The following CASP9 variants were observed in gnomAD, a reference collection of about 807,000 sequenced individuals.
CASP9 encodes caspase 9, also known as caspase-9.
Under a neutral mutation model 43.5 loss-of-function variants are expected in CASP9, and 29 were observed. The ratio of observed to expected loss-of-function variants is 0.67; its 90% CI spans 0.50 to 0.91. The LOEUF (loss-of-function observed/expected upper bound fraction) is 0.91. Among genes scored for constraint, CASP9 ranks in the 40% least tolerant of loss-of-function variants. The pLI is 0.00. For missense variants in CASP9, 575 were observed against 537.4 expected, an observed-to-expected ratio of 1.07 and a Z score of -0.69; for synonymous variants, 206 against 211.9, an observed-to-expected ratio of 0.97 and a Z score of 0.24.
chr1:15,509,475 A>AG lies in CASP9; in HGVS notation c.419-1569_419-1568insC, dbSNP rs1553142040. Among the ~76,000 whole-genome samples, 1,035 of 151,102 alleles carry AG rather than the reference A, an allele frequency of 6.8e-3. 12 individuals carry two copies. The highest frequency in any genetic ancestry group is 0.023 in the African/African-American group (934 of 40,990). The stretch of plus-strand genomic sequence containing the variant: ...ACTAAAAATACAAAAAAAAAAAAAA[A>AG]AAAAGAAAAATTAGCCAGGCGAGGG... On this transcript the variant is annotated intron_variant, in intron 2 of 8. Coordinates refer to ENST00000333868, the MANE Select transcript of CASP9 (RefSeq NM_001229.5).
chr1:15,524,153 C>A lies in CASP9; in HGVS notation c.48G>T (p.Leu16=). The change falls in exon 1 of 9, where the codon CTG becomes CTT. Residue 16 remains leucine (L), a synonymous_variant. Coordinates refer to ENST00000333868, the MANE Select transcript of CASP9 (RefSeq NM_001229.5). Reference sequence around the variant, plus strand: ...GCTGGTCCACCTGCAGCTCTTCCACCAGCCGCAGCCGGCACCGCCGCAGGA... The same window carrying A: ...GCTGGTCCACCTGCAGCTCTTCCACAAGCCGCAGCCGGCACCGCCGCAGGA... ...RRLLRRCRLR[L]VEELQVDQLW... 1 of 1,539,918 alleles carries A rather than the reference C, an allele frequency of 6.5e-7. No individual in the cohort carries two copies. The highest frequency in any genetic ancestry group is 8.7e-7 in the Non-Finnish European group (1 of 1,147,096).
intron 2 of CASP9, among the ~76,000 whole-genome samples, chr1:15,512,772 C>T (rs1031001214): frequency 1.3e-5 from 2 of 152,102 alleles, no homozygotes; most frequent in African/African-American, 4.8e-5. Context: ...CCCAGAGACT[C>T]AACTACTTGT....
At chr1:15,507,128 GAC>G (rs775685369) in intron 3 of CASP9, 53 bp from the exon 4 acceptor site, 1 of 1,608,542 alleles carries the variant, frequency 6.2e-7, no homozygotes, top group Non-Finnish European at 8.5e-7. Context: ...CTCCCTAGAG[GAC>G]AGTCTGGAGA....
At chr1:15,502,856 G>A (rs1709376459) in intron 6 of CASP9, among the ~76,000 whole-genome samples, 1 of 152,210 alleles carries the variant, frequency 6.6e-6, no homozygotes, top group Non-Finnish European at 1.5e-5. Flanking sequence ...GAGCATTGCT[G>A]GACCACACAC....
intron 2 of CASP9, among the ~76,000 whole-genome samples, chr1:15,512,804 G>A (rs75384868): frequency 1.3e-5 from 2 of 152,170 alleles, no homozygotes; most frequent in African/African-American, 2.4e-5. Context: ...CAGCTGCTAA[G>A]TGTTGGAGTT....
intron 2 of CASP9, among the ~76,000 whole-genome samples, chr1:15,512,322 G>A (rs1307614711): frequency 6.6e-6 from 1 of 152,078 alleles, no homozygotes; most frequent in Non-Finnish European, 1.5e-5. Context: ...GAGTGTTTTG[G>A]GGATGAGAAT....
upstream of CASP9, chr1:15,524,369 G>GC: frequency 7.5e-7 from 1 of 1,332,302 alleles, no homozygotes; most frequent in Non-Finnish European, 9.4e-7. Flanking sequence ...GCCTCGCCCC[G>GC]CCCCCAGGAG....
intron 6 of CASP9, among the ~76,000 whole-genome samples, chr1:15,499,170 C>CA (rs1264601154): frequency 6.6e-6 from 1 of 152,206 alleles, no homozygotes; most frequent in Non-Finnish European, 1.5e-5. Flanking sequence ...TCCCCCCAGA[C>CA]AGAGGCTGAC....
chr1:15,495,751 C>A (rs1161430925), intron 6 of CASP9, among the ~76,000 whole-genome samples: 1 of 152,196 alleles, frequency 6.6e-6, no homozygotes, highest in African/African-American at 2.4e-5. Flanking sequence ...ATAAAATTCA[C>A]CACGGCAATG....
chr1:15,506,816 C>T, intron 4 of CASP9, 83 bp downstream of exon 4: 1 of 1,216,634 alleles, frequency 8.2e-7, no homozygotes, highest in Non-Finnish European at 1.2e-6. Flanking sequence ...CCTGGGGAGT[C>T]AGCTGGCTTT....
At chr1:15,520,259 G>A (rs1332229822) in intron 1 of CASP9, among the ~76,000 whole-genome samples, 1 of 152,146 alleles carries the variant, frequency 6.6e-6, no homozygotes, top group Non-Finnish European at 1.5e-5. Context: ...TAAGCACTTG[G>A]GTAGTACAAC....
chr1:15,524,058 C>CGGGGGCG lies in CASP9; in HGVS notation c.132+4_132+10dup, dbSNP rs4645984. On this transcript the variant is annotated intron_variant, in intron 1 of 8. Transcript: ENST00000333868. ...GCCGTGCAGCGCGGGGACAGGGGGCCGGGGGCGCACCTGGATGTCCTCGAT... is the reference window on the plus strand; with the variant it reads ...GCCGTGCAGCGCGGGGACAGGGGGCCGGGGGCGGGGGGCGCACCTGGATGTCCTCGAT... 0.53 allele frequency: 780,956 copies of CGGGGGCG among 1,472,594 alleles called. 211,811 individuals carry two copies. Among genetic ancestry groups the CGGGGGCG allele is most frequent in the African/African-American group, 0.7 (47,777 of 68,224 alleles). 91.2% of individuals were successfully genotyped at this position (1,472,594 alleles called of 1,614,324 possible). A position where few individuals can be genotyped will look rare whatever the true frequency, so the allele number is the denominator to read the frequency against.
intron 2 of CASP9, among the ~76,000 whole-genome samples, chr1:15,510,658 A>G (rs1254818471): frequency 6.6e-6 from 1 of 152,068 alleles, no homozygotes; most frequent in Non-Finnish European, 1.5e-5. Flanking sequence ...AAAGAGGGAG[A>G]GGAGACACTC....
intron 1 of CASP9, among the ~76,000 whole-genome samples, chr1:15,520,879 T>C (rs1357308703): frequency 2.7e-5 from 4 of 149,304 alleles, no homozygotes; most frequent in Admixed American, 6.6e-5. Flanking sequence ...GAACCCTGGC[T>C]GGGCGCGGTG....
chr1:15,518,527 C>CTAAG, intron 1 of CASP9, 132 bp from the exon 2 acceptor site: 1 of 871,034 alleles, frequency 1.1e-6, no homozygotes, highest in Non-Finnish European at 1.7e-6. Flanking sequence ...TGCAGGTGCA[C>CTAAG]TGTGTGCCAT....
At chr1:15,515,616 A>G (rs949104025) in intron 2 of CASP9, among the ~76,000 whole-genome samples, 18 of 152,370 alleles carry the variant, frequency 1.2e-4, no homozygotes, top group African/African-American at 4.3e-4. Context: ...ACTGATATGC[A>G]CAACAATATG....
chr1:15,503,420 T>C (rs1709403680), intron 6 of CASP9, among the ~76,000 whole-genome samples: 1 of 152,192 alleles, frequency 6.6e-6, no homozygotes, highest in Non-Finnish European at 1.5e-5. Context: ...GTTAATCAAG[T>C]GTTCTCAATC....
chr1:15,524,784 C>A, upstream of CASP9: 1 of 1,007,960 alleles, frequency 9.9e-7, no homozygotes, highest in African/African-American at 1.8e-5. Context: ...CTCCCCGGGA[C>A]GCATCTAGAA....
chr1:15,519,514 C>T (rs1710095346), intron 1 of CASP9, among the ~76,000 whole-genome samples: 3 of 152,056 alleles, frequency 2.0e-5, no homozygotes, highest in Admixed American at 2.0e-4. Context: ...GTGACAGAGA[C>T]AGATATGGCC....
Sources: allele counts gnomAD v4.1 joint callset (sites outside exome capture counted in the v4.1 genomes callset), GRCh38; gene constraint gnomAD v4.1.1; transcripts MANE v1.5; gene names NCBI Gene and HGNC (gene_info 2026-07-23, HGNC 2026-07-21).